Variants in SMIM14 observed in about 807,000 individuals in gnomAD.
The protein encoded by SMIM14 is chromosome 4 open reading frame 34.
In SMIM14, 5 loss-of-function variants were observed where a neutral mutation model predicts 12.6. The observed-to-expected ratio is 0.40, with a 90% CI of 0.21 to 0.83. The LOEUF (loss-of-function observed/expected upper bound fraction) is 0.83. Ranked by LOEUF, SMIM14 falls within the 40% of genes least tolerant of loss-of-function variation. The pLI, the probability that SMIM14 is intolerant of heterozygous loss-of-function variation, is 0.37. For synonymous variants in SMIM14, 30 were observed against 40.1 expected, an observed-to-expected ratio of 0.75 and a Z score of 0.95; for missense variants, 86 against 119.1, an observed-to-expected ratio of 0.72 and a Z score of 1.29.
intron 1 of SMIM14, among the ~76,000 whole-genome samples, chr4:39,621,496 C>A (rs1331145394): frequency 2.6e-5 from 4 of 152,026 alleles, no homozygotes; most frequent in Non-Finnish European, 5.9e-5. Context: ...GTTAAAAAAA[C>A]GTGCATGCCC....
In SMIM14 at chr4:39,595,297, T is replaced by C. The variant is rs374091305; in HGVS notation, c.75+9774A>G. Among the ~76,000 whole-genome samples, 344 of 147,078 alleles carry C rather than the reference T, an allele frequency of 2.3e-3. 1 individual carries two copies. The highest frequency in any genetic ancestry group is 8.1e-3 in the African/African-American group (323 of 39,676). On this transcript the variant is annotated intron_variant, in intron 2 of 4. Coordinates refer to ENST00000295958, the MANE Select transcript of SMIM14 (RefSeq NM_174921.3). ...GAAATCATCATTCTCAGTAAACTAT[T>C]GCAAGAACAAAAAACCAAACACCGC...
intron 2 of SMIM14, among the ~76,000 whole-genome samples, chr4:39,572,688 G>C (rs1342591733): frequency 6.6e-6 from 1 of 152,012 alleles, no homozygotes; most frequent in Non-Finnish European, 1.5e-5. Flanking sequence ...CAGGTGTGGT[G>C]GTGTGTGCCT....
At chr4:39,581,489 T>A (rs1713487485) in intron 2 of SMIM14, among the ~76,000 whole-genome samples, 1 of 151,144 alleles carries the variant, frequency 6.6e-6, no homozygotes, top group East Asian at 1.9e-4. Flanking sequence ...AGGTGTCTTT[T>A]CTTTTTTCGT....
intron 2 of SMIM14, among the ~76,000 whole-genome samples, chr4:39,600,414 G>T (rs1457786580): frequency 6.6e-6 from 1 of 152,064 alleles, no homozygotes; most frequent in Non-Finnish European, 1.5e-5. Context: ...AAAGGGCCGG[G>T]TGTGGTGGCT....
At chr4:39,569,979 G>A (rs142557511) in intron 3 of SMIM14, among the ~76,000 whole-genome samples, 173 of 152,100 alleles carry the variant, frequency 1.1e-3, no homozygotes, top group Non-Finnish European at 2.0e-3. Context: ...CCTATCCTTG[G>A]AAGCCTAAAA....
chr4:39,614,219 T>G lies in SMIM14; in HGVS notation c.-35-9039A>C, dbSNP rs139097811. ...AAAAAAAAAAGAAAATTCAAAATAA[T>G]CGAGGAGCAGTAAGGGAAGCAAACA... On this transcript the variant is annotated intron_variant, in intron 1 of 4. Transcript: ENST00000295958. Among the ~76,000 whole-genome samples the G allele has an allele frequency of 2.2e-3, 320 of 145,980 alleles. 2 individuals are homozygous for G. Among genetic ancestry groups the G allele is most frequent in the African/African-American group, 7.5e-3 (299 of 39,720 alleles).
At chr4:39,619,438 C>A in intron 1 of SMIM14, among the ~76,000 whole-genome samples, 3 of 83,356 alleles carry the variant, frequency 3.6e-5, no homozygotes, top group African/African-American at 5.4e-5. Flanking sequence ...TATTCTATAT[C>A]AATAAATATA....
intron 2 of SMIM14, among the ~76,000 whole-genome samples, chr4:39,600,439 C>T (rs1471104529): frequency 6.6e-6 from 1 of 152,030 alleles, no homozygotes; most frequent in African/African-American, 2.4e-5. Context: ...CCTGTAATCC[C>T]AGCACTTTGG....
intron 1 of SMIM14, among the ~76,000 whole-genome samples, chr4:39,615,822 T>G (rs918995053): frequency 6.6e-6 from 1 of 152,206 alleles, no homozygotes; most frequent in Non-Finnish European, 1.5e-5. Context: ...GTATATTTTT[T>G]AAACCTATAA....
intron 1 of SMIM14, among the ~76,000 whole-genome samples, chr4:39,623,525 A>C (rs961387578): frequency 2.6e-5 from 4 of 152,222 alleles, no homozygotes; most frequent in Non-Finnish European, 5.9e-5. Context: ...ATAGCCAGCC[A>C]AATCTTCACA....
chr4:39,572,553 G>A, intron 2 of SMIM14, 90 bp from the exon 3 acceptor site: 1 of 1,089,238 alleles, frequency 9.2e-7, no homozygotes, highest in Non-Finnish European at 1.4e-6. Flanking sequence ...GCCGGGTGCG[G>A]TGGCTCACGC....
chr4:39,552,291 G>A, intron 4 of SMIM14, 133 bp from the exon 5 acceptor site: 1 of 602,366 alleles, frequency 1.7e-6, no homozygotes, highest in African/African-American at 1.9e-5. Flanking sequence ...AAACAACTGA[G>A]CAGCAATGCC....
At position 39,588,674 on chromosome 4, in the gene SMIM14, CAT is replaced by C. The variant is rs149951282; in HGVS notation, c.76-16213_76-16212del. On this transcript the variant is annotated intron_variant, in intron 2 of 4. Coordinates refer to ENST00000295958, the MANE Select transcript of SMIM14 (RefSeq NM_174921.3). ...ATACATATTCCATAGTATCTAAAAA[CAT>C]ATTTCTTAAAAAGATCTGGGAAGAT... Among the ~76,000 whole-genome samples, 754 of 151,982 alleles carry C rather than the reference CAT, an allele frequency of 5.0e-3. 4 individuals carry two copies. The highest frequency in any genetic ancestry group is 7.1e-3 in the Non-Finnish European group (481 of 67,966).
rs543883660 is a variant in SMIM14 at position 39,602,269 on chromosome 4, A to G, written c.75+2802T>C. Among the ~76,000 whole-genome samples, 101 of 151,286 alleles carry G rather than the reference A, an allele frequency of 6.7e-4. No homozygotes were observed. In the South Asian group the frequency reaches 0.019, roughly 29 times the overall value. ...CTCAAAAAAAAAAAAAAATGATGAT[A>G]ATGGATGCATGAGAGGTGGAAAAGC... On this transcript the variant is annotated intron_variant, in intron 2 of 4. Transcript: ENST00000295958.
intron 3 of SMIM14, among the ~76,000 whole-genome samples, chr4:39,566,066 T>G (rs1553862092): frequency 6.6e-6 from 1 of 151,386 alleles, no homozygotes. Flanking sequence ...ATTAGCAGTG[T>G]GAAGACTGAC....
At chr4:39,570,406 A>C (rs960984005) in intron 3 of SMIM14, among the ~76,000 whole-genome samples, 2 of 151,976 alleles carry the variant, frequency 1.3e-5, no homozygotes, top group African/African-American at 4.8e-5. Flanking sequence ...TGATCTGGCC[A>C]CCTCAGCCTC....
chr4:39,581,075 T>C (rs1713468870), intron 2 of SMIM14, among the ~76,000 whole-genome samples: 1 of 152,128 alleles, frequency 6.6e-6, no homozygotes, highest in African/African-American at 2.4e-5. Flanking sequence ...GCATAATTTA[T>C]TGTACATCAT....
intron 2 of SMIM14, among the ~76,000 whole-genome samples, chr4:39,597,558 C>T (rs1269440579): frequency 1.3e-5 from 2 of 151,536 alleles, no homozygotes; most frequent in African/African-American, 4.9e-5. Context: ...ATTCTCCTGC[C>T]TCAGCCTCCC....
chr4:39,573,916 A>G (rs1193999709), intron 2 of SMIM14, among the ~76,000 whole-genome samples: 2 of 152,224 alleles, frequency 1.3e-5, no homozygotes, highest in African/African-American at 4.8e-5. Flanking sequence ...AATTTTAAAA[A>G]GAAAGTTAAA....
Sources: gnomAD v4.1 joint callset for allele counts (sites outside exome capture counted in the v4.1 genomes callset) on GRCh38, gnomAD v4.1.1 for gene constraint, MANE v1.5 for transcripts, NCBI Gene and HGNC (gene_info 2026-07-23, HGNC 2026-07-21) for gene names.